RGS5: variants seen among roughly 807,000 people sequenced by gnomAD.
The protein encoded by RGS5 is regulator of G-protein signalling 5.
RGS5 carries 20 observed loss-of-function variants against 18.9 expected under a neutral mutation model. That is an observed-to-expected ratio of 1.06 (90% CI 0.74 to 1.54). The LOEUF (loss-of-function observed/expected upper bound fraction) is 1.54. Among genes scored for constraint, RGS5 ranks in the 40% most tolerant of loss-of-function variants. The pLI is 0.00. For missense variants in RGS5, 201 were observed against 211.8 expected (o/e 0.95, Z 0.32); for synonymous variants, 57 against 76.2 (o/e 0.75, Z 1.31).
chr1:163,287,477 T>C (rs1377171875), intron 2 of RGS5, among the ~76,000 whole-genome samples: 1 of 152,254 alleles, frequency 6.6e-6, no homozygotes, highest in East Asian at 1.9e-4. Context: ...TAAGTAAATT[T>C]ATACACTGGC....
intron 1 of RGS5, among the ~76,000 whole-genome samples, chr1:163,310,602 G>A (rs1649829863): frequency 6.8e-6 from 1 of 147,890 alleles, no homozygotes; most frequent in Non-Finnish European, 1.5e-5. Flanking sequence ...AAAGGCCTTA[G>A]ATGACATCTT....
chr1:163,318,441 G>A (rs1417873830), intron 1 of RGS5, among the ~76,000 whole-genome samples: 1 of 152,186 alleles, frequency 6.6e-6, no homozygotes, highest in Non-Finnish European at 1.5e-5. Context: ...GCTGAAAGCA[G>A]TGAGATGAGA....
intron 1 of RGS5, 72 bp from the exon 2 acceptor site, chr1:163,168,440 T>C (rs1658156266): frequency 8.8e-7 from 1 of 1,130,036 alleles, no homozygotes. Context: ...GATTTCTTCC[T>C]GTGTCAGAGA....
At chr1:163,282,986 A>G (rs1024259718) in intron 2 of RGS5, among the ~76,000 whole-genome samples, 1 of 152,204 alleles carries the variant, frequency 6.6e-6, no homozygotes, top group Non-Finnish European at 1.5e-5. Context: ...TCATGGCAAC[A>G]TGGATGAGAC....
At chr1:163,239,951 T>C (rs116449394) in intron 2 of RGS5, among the ~76,000 whole-genome samples, 4,570 of 152,302 alleles carry the variant, frequency 0.03, 101 homozygotes, top group African/African-American at 0.056. Flanking sequence ...AATGACTGTC[T>C]ATGATGTGTT....
intron 1 of RGS5, among the ~76,000 whole-genome samples, chr1:163,198,067 C>G (rs1659640140): frequency 6.6e-6 from 1 of 151,974 alleles, no homozygotes; most frequent in Non-Finnish European, 1.5e-5. Context: ...AGCTGCCTTT[C>G]TATTCTAAAT....
intron 1 of RGS5, among the ~76,000 whole-genome samples, chr1:163,315,423 T>C (rs1649994358): frequency 6.6e-6 from 1 of 152,134 alleles, no homozygotes; most frequent in African/African-American, 2.4e-5. Flanking sequence ...AAAAGTCACA[T>C]TGACCAAAAA....
At chr1:163,229,727 A>G (rs1033545040) in intron 2 of RGS5, among the ~76,000 whole-genome samples, 2 of 152,146 alleles carry the variant, frequency 1.3e-5, no homozygotes, top group South Asian at 2.1e-4. Context: ...CTTTTACTCA[A>G]ATATTGGCTT....
chr1:163,245,774 C>A (rs1181165218), intron 2 of RGS5, among the ~76,000 whole-genome samples: 1 of 152,176 alleles, frequency 6.6e-6, no homozygotes, highest in Non-Finnish European at 1.5e-5. Flanking sequence ...TCTAAAATGG[C>A]ACTTGATCCA....
chr1:163,269,296 T>C (rs1179645015), intron 2 of RGS5, among the ~76,000 whole-genome samples: 1 of 152,158 alleles, frequency 6.6e-6, no homozygotes, highest in African/African-American at 2.4e-5. Flanking sequence ...ATTTCTTAGC[T>C]AATGGGTGTC....
At chr1:163,203,030 G>A, upstream of RGS5, 2 of 555,778 alleles carry the variant, frequency 3.6e-6, no homozygotes, top group South Asian at 2.3e-5. Context: ...GCAGCAGTGG[G>A]CCCTGAGGTG....
chr1:163,218,629 A>G (rs958030308), upstream of RGS5, among the ~76,000 whole-genome samples: 3 of 152,030 alleles, frequency 2.0e-5, no homozygotes, highest in Non-Finnish European at 2.9e-5. Flanking sequence ...ATAGTAAAAA[A>G]AAATTTATGT....
chr1:163,217,679 G>A, upstream of RGS5: 1 of 1,467,050 alleles, frequency 6.8e-7, no homozygotes, highest in Non-Finnish European at 9.0e-7. Context: ...GGGAAACAAT[G>A]CTGAGAGAAG....
chr1:163,279,883 C>A (rs574880990), intron 2 of RGS5, among the ~76,000 whole-genome samples: 104 of 151,906 alleles, frequency 6.8e-4, no homozygotes, highest in African/African-American at 2.3e-3. Context: ...TGAAAAACCA[C>A]ACCAACAAAT....
intron 2 of RGS5, among the ~76,000 whole-genome samples, chr1:163,163,039 C>CGGCG (rs1057096003): frequency 5.3e-5 from 7 of 132,038 alleles, no homozygotes; most frequent in African/African-American, 2.0e-4. Flanking sequence ...AATGATATTT[C>CGGCG]GGGGGGGGGG....
At chr1:163,313,810 C>T (rs904556340) in intron 1 of RGS5, among the ~76,000 whole-genome samples, 1 of 152,160 alleles carries the variant, frequency 6.6e-6, no homozygotes, top group Non-Finnish European at 1.5e-5. Flanking sequence ...AAAGGGTCTG[C>T]TGCACAGGTT....
At chr1:163,256,670 A>G (rs949364957) in intron 2 of RGS5, among the ~76,000 whole-genome samples, 11 of 152,204 alleles carry the variant, frequency 7.2e-5, no homozygotes, top group Non-Finnish European at 1.5e-4. Flanking sequence ...CTAACCTGTC[A>G]TCCTAAGACT....
chr1:163,234,202 T>C (rs1647559231), intron 2 of RGS5, among the ~76,000 whole-genome samples: 1 of 152,248 alleles, frequency 6.6e-6, no homozygotes, highest in African/African-American at 2.4e-5. Flanking sequence ...AGAATTTTTA[T>C]AGATGTTCTT....
At chr1:163,294,767 T>A (rs150739280) in intron 2 of RGS5, among the ~76,000 whole-genome samples, 1 of 152,290 alleles carries the variant, frequency 6.6e-6, no homozygotes, top group African/African-American at 2.4e-5. Context: ...AGGTTCTAAT[T>A]TCAAACCATC....
Sources: gnomAD v4.1 joint callset for allele counts (sites outside exome capture counted in the v4.1 genomes callset) on GRCh38, gnomAD v4.1.1 for gene constraint, MANE v1.5 for transcripts, NCBI Gene and HGNC (gene_info 2026-07-23, HGNC 2026-07-21) for gene names.